Variants in INVS observed in about 807,000 individuals in gnomAD.
INVS encodes inversin, also known as inversion of embryo turning homolog.
A neutral mutation model predicts 108.8 loss-of-function variants in INVS; 86 were observed. The ratio of observed to expected loss-of-function variants is 0.79; its 90% CI spans 0.66 to 0.95. The LOEUF is 0.95. INVS is among the 40% of genes least tolerant of loss of function. INVS has a pLI of 0.00. For missense variants in INVS, 1,169 were observed against 1,297.4 expected, an observed-to-expected ratio of 0.90 and a Z score of 1.52; for synonymous variants, 455 against 473.5, an observed-to-expected ratio of 0.96 and a Z score of 0.51.
At chr9:100,141,505 G>T (rs969137555) in intron 3 of INVS, among the ~76,000 whole-genome samples, 5 of 152,136 alleles carry the variant, frequency 3.3e-5, no homozygotes, top group Non-Finnish European at 5.9e-5. Context: ...AGGTGGGAAG[G>T]CCAAACCGAG....
At chr9:100,245,397 A>G (rs1283988936) in intron 7 of INVS, among the ~76,000 whole-genome samples, 1 of 152,092 alleles carries the variant, frequency 6.6e-6, no homozygotes, top group East Asian at 1.9e-4. Context: ...CCCCTGCCTC[A>G]ACCTCCCGAG....
intron 3 of INVS, among the ~76,000 whole-genome samples, chr9:100,196,865 G>A (rs529816173): frequency 4.6e-5 from 7 of 152,112 alleles, no homozygotes; most frequent in African/African-American, 9.6e-5. Context: ...TCTGAGGGGA[G>A]AAAACACACT....
intron 3 of INVS, among the ~76,000 whole-genome samples, chr9:100,143,995 CAGAG>C (rs1279446317): frequency 2.6e-5 from 4 of 152,152 alleles, no homozygotes; most frequent in South Asian, 2.1e-4. Context: ...AGGAGTCACT[CAGAG>C]AGCCTTGGGC....
intron 2 of INVS, among the ~76,000 whole-genome samples, chr9:100,116,393 G>A (rs1327178004): frequency 6.6e-6 from 1 of 152,030 alleles, no homozygotes; most frequent in East Asian, 1.9e-4. Context: ...ACAGGTGTGA[G>A]CACTGCACCC....
chr9:100,264,134 T>G (rs1458109266), intron 10 of INVS, among the ~76,000 whole-genome samples: 1 of 152,242 alleles, frequency 6.6e-6, no homozygotes, highest in African/African-American at 2.4e-5. Context: ...TCATCTCTTC[T>G]TTATCTTTCA....
chr9:100,103,831 A>G (rs1268095984), intron 1 of INVS, among the ~76,000 whole-genome samples: 1 of 152,032 alleles, frequency 6.6e-6, no homozygotes, highest in Non-Finnish European at 1.5e-5. Context: ...GATTACAGGC[A>G]TGAGTCACCA....
chr9:100,222,847 A>C (rs1351753075), intron 3 of INVS, among the ~76,000 whole-genome samples: 1 of 151,718 alleles, frequency 6.6e-6, no homozygotes, highest in African/African-American at 2.4e-5. Context: ...CCCCAAAGAA[A>C]AGATGGCAAG....
intron 2 of INVS, among the ~76,000 whole-genome samples, chr9:100,114,984 G>A (rs1827464461): frequency 6.6e-6 from 1 of 151,994 alleles, no homozygotes; most frequent in African/African-American, 2.4e-5. Context: ...AAATTATTAG[G>A]CCATAATTAT....
chr9:100,266,696 C>T (rs1832803481), intron 11 of INVS, among the ~76,000 whole-genome samples: 1 of 152,206 alleles, frequency 6.6e-6, no homozygotes, highest in Non-Finnish European at 1.5e-5. Flanking sequence ...TGCAGCCCAA[C>T]AGCTTTCAGC....
chr9:100,129,520 A>T (rs984618419), intron 3 of INVS, among the ~76,000 whole-genome samples: 8 of 152,240 alleles, frequency 5.3e-5, no homozygotes, highest in African/African-American at 7.2e-5. Context: ...ACATAAAAAA[A>T]TTTTTTAAAA....
chr9:100,132,605 CA>C (rs1480057191), intron 3 of INVS, among the ~76,000 whole-genome samples: 1 of 152,140 alleles, frequency 6.6e-6, no homozygotes, highest in Non-Finnish European at 1.5e-5. Context: ...AATGTAGGTG[CA>C]AACATCAAAT....
At chr9:100,144,821 C>T (rs975796473) in intron 3 of INVS, among the ~76,000 whole-genome samples, 30 of 151,662 alleles carry the variant, frequency 2.0e-4, no homozygotes, top group African/African-American at 5.6e-4. Context: ...AAAGACTCAG[C>T]GACGCTTGGG....
intron 12 of INVS, among the ~76,000 whole-genome samples, chr9:100,280,853 T>G (rs1833252617): frequency 6.6e-6 from 1 of 152,124 alleles, no homozygotes. Context: ...TTTGAGAGGC[T>G]GAGGTGGGAG....
intron 3 of INVS, among the ~76,000 whole-genome samples, chr9:100,161,364 C>CA (rs35392930): frequency 0.16 from 2,020 of 12,248 alleles, 267 homozygotes; most frequent in Non-Finnish European, 0.23. Flanking sequence ...ACTTCCATCT[C>CA]AAAAAAAAAA....
chr9:100,158,065 A>C (rs1426481667), intron 3 of INVS, among the ~76,000 whole-genome samples: 2 of 152,150 alleles, frequency 1.3e-5, no homozygotes, highest in East Asian at 3.8e-4. Flanking sequence ...CCAATTTTTC[A>C]TTCCAGTTTT....
In INVS at chr9:100,136,043, A is replaced by T. The variant is rs564678039; in HGVS notation, c.273+9494A>T. ...TTTACTATGATGCTAAGATTTGAAT[A>T]GTTCCTTTTCCACTAAATGACTCAA... On this transcript the variant is annotated intron_variant, in intron 3 of 16. Coordinates refer to ENST00000262457, the MANE Select transcript of INVS (RefSeq NM_014425.5). Among the ~76,000 whole-genome samples the T allele has an allele frequency of 2.6e-4, 39 of 152,228 alleles. 1 individual carries two copies. The highest frequency in any genetic ancestry group is 6.8e-3 in the Middle Eastern group (2 of 294).
At chr9:100,236,927 G>A (rs995880183) in intron 5 of INVS, among the ~76,000 whole-genome samples, 21 of 152,208 alleles carry the variant, frequency 1.4e-4, no homozygotes, top group South Asian at 2.1e-4. Context: ...CTGGCAGGCA[G>A]GAACATTTAA....
chr9:100,263,960 C>T (rs551890173), intron 10 of INVS, among the ~76,000 whole-genome samples: 4 of 152,248 alleles, frequency 2.6e-5, no homozygotes, highest in African/African-American at 9.6e-5. Context: ...GTTAAAATCC[C>T]ACTATGACTA....
At position 100,221,710 on chromosome 9, in the gene INVS, C is replaced by T. The variant is rs960891980; in HGVS notation, c.274-4352C>T. 2.6e-5 allele frequency among the ~76,000 whole-genome samples: 4 copies of T among 152,094 alleles called. No homozygotes were observed. The East Asian group carries it at 5.8e-4, about 22-fold the overall frequency. On this transcript the variant is annotated intron_variant, in intron 3 of 16. Coordinates refer to ENST00000262457, the MANE Select transcript of INVS (RefSeq NM_014425.5). Reference sequence around the variant, plus strand: ...TGAAAAAAAAAAATCAGACAAACCACTACTGTAATTCCCCATTATCCACGG... The same window carrying T: ...TGAAAAAAAAAAATCAGACAAACCATTACTGTAATTCCCCATTATCCACGG...
Sources: allele counts gnomAD v4.1 joint callset (sites outside exome capture counted in the v4.1 genomes callset), GRCh38; gene constraint gnomAD v4.1.1; transcripts MANE v1.5; gene names NCBI Gene and HGNC (gene_info 2026-07-23, HGNC 2026-07-21).